Variants in NEDD9 observed in about 807,000 individuals in gnomAD.
The protein encoded by NEDD9 is enhancer of filamentation 1.
In NEDD9, 26 loss-of-function variants were observed where a neutral mutation model predicts 76.6. The observed-to-expected ratio is 0.34, with a 90% CI of 0.25 to 0.47. The LOEUF (loss-of-function observed/expected upper bound fraction) is 0.47. NEDD9 is among the 20% of genes least tolerant of loss of function. NEDD9 has a pLI of 1.00. For missense variants in NEDD9, 937 were observed against 1,058.5 expected (o/e 0.89, Z 1.59); for synonymous variants, 392 against 414.2 (o/e 0.95, Z 0.65).
intron 1 of NEDD9, chr6:11,214,342 C>T (rs187312150): frequency 1.3e-4 from 51 of 378,626 alleles, no homozygotes; most frequent in African/African-American, 9.3e-4. Flanking sequence ...AAGCGTGGAG[C>T]ATAGGCCAGC....
At chr6:11,219,527 T>G (rs1221538234) in intron 1 of NEDD9, among the ~76,000 whole-genome samples, 1 of 152,226 alleles carries the variant, frequency 6.6e-6, no homozygotes, top group Non-Finnish European at 1.5e-5. Context: ...GCCTGGACTC[T>G]TGTGGGTTTG....
intron 1 of NEDD9, among the ~76,000 whole-genome samples, chr6:11,339,022 A>C (rs1020154718): frequency 1.3e-5 from 2 of 151,684 alleles, no homozygotes; most frequent in East Asian, 3.9e-4. Context: ...ATCTAGGTGC[A>C]TATACAAATA....
At chr6:11,189,147 A>G (rs1191250512) in intron 5 of NEDD9, among the ~76,000 whole-genome samples, 5 of 152,146 alleles carry the variant, frequency 3.3e-5, no homozygotes, top group Non-Finnish European at 7.4e-5. Flanking sequence ...GGGTTTCACC[A>G]TATTGGCCAG....
chr6:11,196,605 C>T (rs972732655), intron 2 of NEDD9, among the ~76,000 whole-genome samples: 3 of 152,110 alleles, frequency 2.0e-5, no homozygotes, highest in Non-Finnish European at 2.9e-5. Flanking sequence ...TAAAACTCTG[C>T]ATTCCAAACC....
At chr6:11,226,064 G>C (rs548834736) in intron 1 of NEDD9, among the ~76,000 whole-genome samples, 1 of 152,178 alleles carries the variant, frequency 6.6e-6, no homozygotes, top group South Asian at 2.1e-4. Flanking sequence ...CCAATGAAGG[G>C]TACAAAAGGT....
At chr6:11,326,869 G>T (rs1761938988) in intron 2 of NEDD9, among the ~76,000 whole-genome samples, 1 of 152,178 alleles carries the variant, frequency 6.6e-6, no homozygotes, top group Admixed American at 6.5e-5. Flanking sequence ...AAACTTTGAG[G>T]ATGACTTACT....
chr6:11,196,742 T>C, intron 2 of NEDD9, among the ~76,000 whole-genome samples: 1 of 152,054 alleles, frequency 6.6e-6, no homozygotes, highest in Non-Finnish European at 1.5e-5. Flanking sequence ...TACCATCTAA[T>C]TCACGTTGGT....
chr6:11,304,279 T>C (rs914909770), intron 3 of NEDD9, among the ~76,000 whole-genome samples: 1 of 152,188 alleles, frequency 6.6e-6, no homozygotes, highest in Non-Finnish European at 1.5e-5. Flanking sequence ...CCAGTTAGAA[T>C]GGCCATCATT....
At chr6:11,374,078 G>GTA (rs1022195731) in intron 1 of NEDD9, among the ~76,000 whole-genome samples, 18 of 148,040 alleles carry the variant, frequency 1.2e-4, no homozygotes, top group African/African-American at 4.1e-4. Flanking sequence ...ATATATATAT[G>GTA]TATATATATA....
chr6:11,314,878 CT>C (rs1321716539), intron 2 of NEDD9, among the ~76,000 whole-genome samples: 1 of 151,886 alleles, frequency 6.6e-6, no homozygotes, highest in African/African-American at 2.4e-5. Context: ...AAAATGCATC[CT>C]CAGTTTTGTA....
intron 2 of NEDD9, chr6:11,200,071 AGCCTGGGG>A (rs1376649767): frequency 7.2e-5 from 16 of 222,180 alleles, no homozygotes; most frequent in African/African-American, 3.7e-4. Flanking sequence ...TTGCTTTTCA[AGCCTGGGG>A]GCATTTGCTA....
chr6:11,189,853 A>T (rs1194541173), intron 5 of NEDD9, 111 bp downstream of exon 5: 1 of 1,331,418 alleles, frequency 7.5e-7, no homozygotes, highest in Non-Finnish European at 1.0e-6. Flanking sequence ...GTAGATTAAC[A>T]TTAATTATGT....
chr6:11,348,795 A>G (rs978846607), intron 1 of NEDD9, among the ~76,000 whole-genome samples: 1 of 152,240 alleles, frequency 6.6e-6, no homozygotes, highest in African/African-American at 2.4e-5. Context: ...GAAGAGTTAA[A>G]TGTAAAACCC....
At chr6:11,191,592 C>T (rs890523319) in intron 4 of NEDD9, among the ~76,000 whole-genome samples, 5 of 152,148 alleles carry the variant, frequency 3.3e-5, no homozygotes, top group Non-Finnish European at 5.9e-5. Context: ...GCTGCATAGG[C>T]GTCTGAAACA....
rs1759637823 is a variant in NEDD9 at position 11,237,896 on chromosome 6, C to T, written c.13-24169G>A. 6.6e-6 allele frequency among the ~76,000 whole-genome samples: 1 copy of T among 152,202 alleles called. No individual in the cohort carries two copies. ...CTGAGTGAGTGCTAGACCAGAGGAA[C>T]AAGCCCAGTCCTAAAAAGGAACCAT... On this transcript the variant is annotated intron_variant, in intron 3 of 3. Transcript: ENST00000397378. This position sits in a 1 kb window ranked among gnomAD's most constrained non-coding sequence, Gnocchi z 4.9.
intron 1 of NEDD9, among the ~76,000 whole-genome samples, chr6:11,343,478 T>C (rs1762312411): frequency 6.6e-6 from 1 of 152,076 alleles, no homozygotes. Context: ...GAGTACCCTA[T>C]TTAAAACTGC....
At chr6:11,342,560 T>C (rs1353661316) in intron 1 of NEDD9, among the ~76,000 whole-genome samples, 1 of 152,134 alleles carries the variant, frequency 6.6e-6, no homozygotes, top group African/African-American at 2.4e-5. Context: ...GAATTCTATA[T>C]AAATTGAATA....
At chr6:11,266,896 G>GGT (rs1406230994) in intron 3 of NEDD9, among the ~76,000 whole-genome samples, 3 of 152,248 alleles carry the variant, frequency 2.0e-5, no homozygotes, top group African/African-American at 7.2e-5. Flanking sequence ...GGCTCATCTT[G>GGT]GTGTGTGTGT....
At chr6:11,224,487 G>A (rs1201336666) in intron 1 of NEDD9, among the ~76,000 whole-genome samples, 2 of 152,196 alleles carry the variant, frequency 1.3e-5, no homozygotes, top group Non-Finnish European at 2.9e-5. Flanking sequence ...GCATGCAAGG[G>A]AAAGAGGGCT....
Sources: gnomAD v4.1 joint callset for allele counts (sites outside exome capture counted in the v4.1 genomes callset) on GRCh38, gnomAD v4.1.1 for gene constraint, Gnocchi (gnomAD v3.1) non-coding constraint, MANE v1.5 for transcripts, NCBI Gene and HGNC (gene_info 2026-07-23, HGNC 2026-07-21) for gene names.